The following MON2 variants were observed in gnomAD, a reference collection of about 807,000 sequenced individuals.
MON2 encodes the protein protein MON2 homolog.
MON2 carries 84 observed loss-of-function variants against 208.6 expected under a neutral mutation model. The observed-to-expected ratio is 0.40, with a 90% confidence interval of 0.34 to 0.48. The LOEUF is 0.48. Among genes scored for constraint, MON2 ranks in the 20% least tolerant of loss-of-function variants. The probability of loss-of-function intolerance (pLI) is 0.59; values close to 1 mark genes in which losing one functional copy is unlikely to be tolerated. For missense variants in MON2, 1,611 were observed against 2,015.4 expected (o/e 0.80, Z 3.84); for synonymous variants, 660 against 694.0 (o/e 0.95, Z 0.77).
intron 1 of MON2, among the ~76,000 whole-genome samples, chr12:62,474,338 G>C (rs976959344): frequency 9.3e-5 from 14 of 151,350 alleles, no homozygotes; most frequent in Non-Finnish European, 2.1e-4. Context: ...GGCTGGTCTC[G>C]AACTCCTGAC....
intron 32 of MON2, among the ~76,000 whole-genome samples, chr12:62,584,869 G>T (rs810180): frequency 6.6e-6 from 1 of 152,010 alleles, no homozygotes; most frequent in Non-Finnish European, 1.5e-5. Context: ...TTCCAGGAAA[G>T]AAGTTGCTAG....
rs148961666 is a variant in MON2 at position 62,585,965 on chromosome 12, TC to T, written c.4907+466del. On this transcript the variant is annotated intron_variant, in intron 33 of 34. Transcript: ENST00000393630. ...AGCCTGATCTTAGGTCTTCTTTTCA[TC>T]CAATCTGCTTAGTTAAGCCCATGGA... Among the ~76,000 whole-genome samples, 62 of 152,312 alleles carry T rather than the reference TC, an allele frequency of 4.1e-4. 1 individual carries two copies. In the East Asian group the frequency reaches 0.01, roughly 26 times the overall value.
Position 62,511,287 on chromosome 12 carries a change from C to T in MON2, c.984+2807C>T, listed in dbSNP as rs75210304. ...AAATTCATATTGAATCTCAAGGGAC[C>T]CCAAATTGCCAAAACTATCTTGAGA... On this transcript the variant is annotated intron_variant, in intron 8 of 34. Coordinates refer to ENST00000393630, the MANE Select transcript of MON2 (RefSeq NM_015026.3). 6.9e-3 allele frequency among the ~76,000 whole-genome samples: 1,045 copies of T among 152,114 alleles called. 3 individuals carry two copies. Among genetic ancestry groups the T allele is most frequent in the Middle Eastern group, 0.017 (5 of 294 alleles).
At chr12:62,494,421 TCTAA>T (rs2070356461) in intron 3 of MON2, among the ~76,000 whole-genome samples, 1 of 152,332 alleles carries the variant, frequency 6.6e-6, no homozygotes, top group South Asian at 2.1e-4. Context: ...ATTGTTCATA[TCTAA>T]CCTTATGATG....
At chr12:62,545,671 A>T (rs2073451916) in intron 21 of MON2, 1 of 151,752 alleles carries the variant, frequency 6.6e-6, no homozygotes, top group South Asian at 2.1e-4. Context: ...GTGCTACTGA[A>T]GCAAGCACAG....
intron 16 of MON2, 107 bp from the exon 17 acceptor site, chr12:62,537,989 T>A: frequency 1.0e-6 from 1 of 959,540 alleles, no homozygotes; most frequent in East Asian, 2.6e-5. Flanking sequence ...AACCTACTAC[T>A]GATTTTAATT....
chr12:62,585,479 A>T lies in MON2; in HGVS notation c.4885A>T (p.Ser1629Cys), dbSNP rs754768395. 13 of 1,609,046 alleles carry T rather than the reference A, an allele frequency of 8.1e-6. No homozygotes were observed. In the South Asian group the frequency reaches 1.4e-4, roughly 18 times the overall value. The part of the protein sequence containing the change: ...LHRYIEDERL[S>C]GKCPLPRQQV... ...TCGCTATATAGAGGATGAAAGATTA[A>T]GTGGTAAATGCCCTCTTCCAAGGTA... The change falls in exon 33 of 35, where the codon AGT becomes TGT. Residue 1629 changes from serine (S) to cysteine (C), a missense_variant. By Grantham distance (112) the Ser-to-Cys change is moderately radical. Transcript: ENST00000393630.
intron 34 of MON2, among the ~76,000 whole-genome samples, chr12:62,591,496 GGTTAAA>G (rs1182401500): frequency 6.6e-6 from 1 of 152,158 alleles, no homozygotes; most frequent in Non-Finnish European, 1.5e-5. Flanking sequence ...GGGAACACTG[GGTTAAA>G]GTTAAATTTG....
intron 24 of MON2, among the ~76,000 whole-genome samples, 187 bp from the exon 25 acceptor site, chr12:62,555,807 T>TAAA (rs36090980): frequency 1.7e-5 from 2 of 120,290 alleles, no homozygotes; most frequent in African/African-American, 3.1e-5. Flanking sequence ...AGACTCCATC[T>TAAA]AAAAAAAAAA....
chr12:62,495,124 G>A lies in MON2; in HGVS notation c.412G>A (p.Val138Ile). ...VLVLLTTNTV[V>I]HDEALSKAIV... ...TGTTCTTTTAACAACCAATACAGTA[G>A]TTCATGATGAGGCACTTTCTAAGGT... Residue 138 changes from valine to isoleucine, a missense_variant, in exon 4 of 35, where the codon GTT becomes ATT. Coordinates refer to ENST00000393630, the MANE Select transcript of MON2 (RefSeq NM_015026.3). The A allele has an allele frequency of 6.2e-7, 1 of 1,608,216 alleles. No homozygotes were observed. Among genetic ancestry groups the A allele is most frequent in the Non-Finnish European group, 8.5e-7 (1 of 1,176,648 alleles).
rs2068540041 is a variant in MON2, at chr12:62,466,830, C to T, written c.-378C>T. ...GCAGCGCTCGGAATTGTGGGCGACT[C>T]GGCTAATGGCGTCGGCGAGTCTTAG... On this transcript the variant is annotated 5_prime_UTR_variant, in exon 1 of 35. Transcript: ENST00000393630. 2.5e-6 allele frequency: 1 copy of T among 407,568 alleles called. No homozygotes were observed. Among genetic ancestry groups the T allele is most frequent in the Non-Finnish European group, 4.3e-6 (1 of 230,572 alleles). The allele number at this position is 407,568 out of a possible 1,614,324, so 25.2% of individuals were successfully genotyped here. A position where few individuals can be genotyped will look rare whatever the true frequency, so the allele number is the denominator to read the frequency against.
chr12:62,490,038 T>C, intron 2 of MON2: 1 of 1,205,746 alleles, frequency 8.3e-7, no homozygotes, highest in Non-Finnish European at 1.1e-6. Context: ...TTTTCCAGGA[T>C]AAAAACTGCA....
At chr12:62,588,268 CT>C in intron 34 of MON2, 112 bp downstream of exon 34, 1 of 683,378 alleles carries the variant, frequency 1.5e-6, no homozygotes, top group Non-Finnish European at 2.4e-6. Flanking sequence ...CATTAGACTT[CT>C]TTTCTCCAGT....
chr12:62,580,948 AT>A (rs541260916), intron 32 of MON2, among the ~76,000 whole-genome samples: 37 of 152,326 alleles, frequency 2.4e-4, no homozygotes, highest in Admixed American at 2.0e-3. Flanking sequence ...ATGCCTCAAC[AT>A]TTTTTAAGGG....
At chr12:62,539,203 G>A (rs989152761) in intron 19 of MON2, among the ~76,000 whole-genome samples, 1 of 151,066 alleles carries the variant, frequency 6.6e-6, no homozygotes, top group Non-Finnish European at 1.5e-5. Context: ...TGATTTAAAA[G>A]CTAAAATTTA....
intron 25 of MON2, among the ~76,000 whole-genome samples, chr12:62,557,172 G>A (rs1247157426): frequency 6.6e-6 from 1 of 152,124 alleles, no homozygotes; most frequent in African/African-American, 2.4e-5. Context: ...GATCAAATAT[G>A]CACTTCAAAA....
chr12:62,475,533 A>G (rs2069027386), intron 1 of MON2, among the ~76,000 whole-genome samples: 1 of 151,782 alleles, frequency 6.6e-6, no homozygotes, highest in African/African-American at 2.4e-5. Context: ...AGGTATACAA[A>G]TGCTTTGCAC....
intron 25 of MON2, among the ~76,000 whole-genome samples, chr12:62,558,738 C>T (rs2074089682): frequency 1.4e-5 from 2 of 144,516 alleles, no homozygotes; most frequent in Admixed American, 7.0e-5. Flanking sequence ...ACTCTTGTTG[C>T]CCAGGCTGGA....
intron 1 of MON2, 84 bp downstream of exon 1, chr12:62,467,402 C>T (rs2068569603): frequency 1.8e-6 from 2 of 1,138,860 alleles, no homozygotes; most frequent in Admixed American, 1.9e-5. Context: ...GTTTCCAGTC[C>T]TAATTTTCAT....
Sources: allele counts gnomAD v4.1 joint callset (sites outside exome capture counted in the v4.1 genomes callset), GRCh38; gene constraint gnomAD v4.1.1; transcripts MANE v1.5; gene names NCBI Gene and HGNC (gene_info 2026-07-23, HGNC 2026-07-21).